GRIA3: variants seen among roughly 807,000 people sequenced by gnomAD.
GRIA3 encodes the protein glutamate ionotropic receptor AMPA type subunit 3.
In GRIA3, 3 loss-of-function variants were observed where a neutral mutation model predicts 63.0. The observed-to-expected ratio is 0.05, with a 90% CI of 0.02 to 0.12. GRIA3 has a LOEUF of 0.12. GRIA3 is among the 10% of genes least tolerant of loss of function. The pLI is 1.00. For missense variants in GRIA3, 347 were observed against 700.9 expected (o/e 0.50, Z 5.70); for synonymous variants, 274 against 257.9 (o/e 1.06, Z -0.60).
intron 2 of GRIA3, among the ~76,000 whole-genome samples, chrX:123,198,254 A>G (rs1348845417): frequency 8.9e-6 from 1 of 111,987 alleles, no homozygotes; most frequent in African/African-American, 3.2e-5. Context: ...TACTAAATGC[A>G]TTCTAATCTT....
intron 5 of GRIA3, among the ~76,000 whole-genome samples, chrX:123,380,331 C>T (rs1345976639): frequency 8.9e-6 from 1 of 112,085 alleles, no homozygotes; most frequent in Non-Finnish European, 1.9e-5. Context: ...TTAATGATCA[C>T]CATTCTAACT....
chrX:123,209,912 T>G (rs778510941), intron 2 of GRIA3, among the ~76,000 whole-genome samples: 34 of 96,801 alleles, frequency 3.5e-4, no homozygotes, highest in Admixed American at 1.1e-3. Context: ...TAGATAGCCT[T>G]GAAGCCCCCG....
rs1179600419 is a variant in GRIA3, at chrX:123,464,944, C to G, written c.2156C>G (p.Ala719Gly). The G allele has an allele frequency of 8.3e-7, 1 of 1,207,877 alleles. No individual in the cohort carries two copies. Among genetic ancestry groups the G allele is most frequent in the Non-Finnish European group, 1.1e-6 (1 of 893,598 alleles). Residue 719 changes from alanine to glycine, a missense_variant, in exon 13 of 16, where the codon GCA becomes GGA. Ala to Gly is a moderately conservative substitution (Grantham distance 60, BLOSUM62 0). Transcript: ENST00000620443. ...AEPSVFTKTT[A>G]DGVARVRKSK... ...CCATCTGTGTTTACCAAAACAACAG[C>G]AGACGGAGTGGCCCGAGTGCGAAAG...
chrX:123,464,084 G>A (rs1371713293), intron 12 of GRIA3, among the ~76,000 whole-genome samples: 1 of 110,562 alleles, frequency 9.0e-6, no homozygotes, highest in East Asian at 2.8e-4. Context: ...ACATAATAAA[G>A]GCCTTTCAAT....
chrX:123,319,092 C>A (rs1365089338), intron 3 of GRIA3, among the ~76,000 whole-genome samples: 2 of 111,547 alleles, frequency 1.8e-5, no homozygotes, highest in East Asian at 2.8e-4. Flanking sequence ...GAAAGCCCAA[C>A]CCCCGTGATT....
chrX:123,304,724 G>A (rs1232692439), intron 3 of GRIA3, among the ~76,000 whole-genome samples: 1 of 112,011 alleles, frequency 8.9e-6, no homozygotes, highest in Non-Finnish European at 1.9e-5. Context: ...TAAGGCAGTA[G>A]TTTGAAGAAT....
chrX:123,372,064 G>A (rs2045250529), intron 5 of GRIA3, among the ~76,000 whole-genome samples: 1 of 111,892 alleles, frequency 8.9e-6, no homozygotes, highest in South Asian at 3.7e-4. Flanking sequence ...TAAAGTGAGA[G>A]ATAAAGATCA....
rs1010287610 is a variant in GRIA3, at chrX:123,277,862, T to C, written c.508+24320T>C. ...AAGTAAGACAATGAGGAAAATGAGA[T>C]AATGATGTGGGGTGGGGCCTAGACT... On this transcript the variant is annotated intron_variant, in intron 3 of 15. Transcript: ENST00000620443. Among the ~76,000 whole-genome samples, 3 of 111,832 alleles carry C rather than the reference T, an allele frequency of 2.7e-5. No individual in the cohort carries two copies. The East Asian group carries it at 8.4e-4, about 31-fold the overall frequency.
intron 3 of GRIA3, among the ~76,000 whole-genome samples, chrX:123,284,962 G>T (rs1306406591): frequency 9.0e-6 from 1 of 111,092 alleles, no homozygotes; most frequent in Admixed American, 9.6e-5. Context: ...GATTCACCAA[G>T]GTTGAAATGA....
At chrX:123,233,822 A>C (rs1197013359) in intron 2 of GRIA3, among the ~76,000 whole-genome samples, 5 of 111,862 alleles carry the variant, frequency 4.5e-5, no homozygotes, top group African/African-American at 1.6e-4. Flanking sequence ...CAGAGGTTGA[A>C]GCCATGAATA....
intron 6 of GRIA3, among the ~76,000 whole-genome samples, 187 bp from the exon 7 acceptor site, chrX:123,398,449 A>T (rs1053679855): frequency 6.3e-5 from 7 of 111,974 alleles, no homozygotes; most frequent in Non-Finnish European, 9.4e-5. Context: ...TAACACATGC[A>T]CACATGAGGT....
At chrX:123,344,963 C>G (rs1254101471) in intron 4 of GRIA3, among the ~76,000 whole-genome samples, 9 of 112,068 alleles carry the variant, frequency 8.0e-5, no homozygotes, top group Non-Finnish European at 1.7e-4. Flanking sequence ...TGGCCCTAAC[C>G]TAGACTTGAG....
At position 123,465,080 on chromosome X, in the gene GRIA3, T is replaced by C; in HGVS notation, c.2292T>C (p.Tyr764=). 5 of 1,209,213 alleles carry C rather than the reference T, an allele frequency of 4.1e-6. No individual in the cohort carries two copies. Among genetic ancestry groups the C allele is most frequent in the East Asian group, 5.9e-5 (2 of 33,814 alleles). The change falls in exon 13 of 16, where the codon TAT becomes TAC. Residue 764 remains tyrosine (Y), a synonymous_variant. Transcript: ENST00000620443. ...KVGGNLDSKG[Y]GVATPKGSAL... is the part of the protein sequence containing the mutation. ...GTGGAAATCTGGATTCCAAAGGCTA[T>C]GGTGTGGCAACCCCTAAAGGCTCAG... is the stretch of plus-strand genomic sequence containing the variant.
chrX:123,403,053 T>C lies in GRIA3; in HGVS notation c.1140T>C (p.Asn380=). The change falls in exon 8 of 16, where the codon AAT becomes AAC. Residue 380 remains asparagine (N), a synonymous_variant. Coordinates refer to ENST00000620443, the MANE Select transcript of GRIA3 (RefSeq NM_007325.5). ...TTGACACTTATGGACGTAGGACAAA[T>C]TATACCATCGATGTGTATGAAATGA... The part of the protein sequence containing the change: ...IQFDTYGRRT[N]YTIDVYEMKV... 1 of 1,170,619 alleles carries C rather than the reference T, an allele frequency of 8.5e-7. No individual in the cohort carries two copies. The highest frequency in any genetic ancestry group is 3.0e-5 in the East Asian group (1 of 33,552).
intron 5 of GRIA3, among the ~76,000 whole-genome samples, chrX:123,364,282 A>G (rs2045196662): frequency 8.9e-6 from 1 of 111,946 alleles, no homozygotes; most frequent in Non-Finnish European, 1.9e-5. Flanking sequence ...TACTTATTGC[A>G]CAGAAGGCAT....
intron 3 of GRIA3, among the ~76,000 whole-genome samples, chrX:123,299,302 T>C (rs1416728143): frequency 8.9e-6 from 1 of 111,768 alleles, no homozygotes; most frequent in Non-Finnish European, 1.9e-5. Context: ...GCATTGAGTC[T>C]ATAAATTGCT....
intron 3 of GRIA3, among the ~76,000 whole-genome samples, chrX:123,307,415 A>G (rs1000458450): frequency 2.7e-5 from 3 of 111,919 alleles, no homozygotes; most frequent in Non-Finnish European, 3.8e-5. Context: ...AACAAAAACT[A>G]GATGCTTTGA....
chrX:123,293,909 C>CT (rs1316399748), intron 3 of GRIA3, among the ~76,000 whole-genome samples: 2 of 109,978 alleles, frequency 1.8e-5, no homozygotes, highest in Non-Finnish European at 3.8e-5. Flanking sequence ...AATAATGATA[C>CT]TTATAAAGCA....
At chrX:123,341,144 G>A (rs2045006256) in intron 4 of GRIA3, among the ~76,000 whole-genome samples, 1 of 111,757 alleles carries the variant, frequency 8.9e-6, no homozygotes, top group Non-Finnish European at 1.9e-5. Flanking sequence ...GTAGGCACAG[G>A]TTGTAAATGT....
Sources: gnomAD v4.1 joint callset for allele counts (sites outside exome capture counted in the v4.1 genomes callset) on GRCh38, gnomAD v4.1.1 for gene constraint, MANE v1.5 for transcripts, NCBI Gene and HGNC (gene_info 2026-07-23, HGNC 2026-07-21) for gene names.